PIAS4: variants seen among roughly 807,000 people sequenced by gnomAD.
The protein encoded by PIAS4 is protein inhibitor of activated STAT 4.
Under a neutral mutation model 58.0 loss-of-function variants are expected in PIAS4, and 7 were observed. The ratio of observed to expected loss-of-function variants is 0.12; its 90% CI spans 0.07 to 0.23. The LOEUF is 0.23. PIAS4 is among the 10% of genes least tolerant of loss of function. The pLI is 1.00. For missense variants in PIAS4, 550 were observed against 709.5 expected (o/e 0.78, Z 2.55); for synonymous variants, 364 against 312.4 (o/e 1.17, Z -1.74).
intron 1 of PIAS4, among the ~76,000 whole-genome samples, chr19:4,011,701 GGT>G (rs1280373884): frequency 2.8e-4 from 35 of 125,470 alleles, no homozygotes; most frequent in Admixed American, 7.0e-4. Context: ...GGGGTGTGGA[GGT>G]GTGTGGGGTG....
intron 9 of PIAS4, among the ~76,000 whole-genome samples, chr19:4,035,810 C>T: frequency 3.3e-5 from 5 of 152,322 alleles, no homozygotes; most frequent in Admixed American, 3.3e-4. Context: ...CACCCGCACA[C>T]ATCCATACAG....
chr19:4,031,082 G>A (rs2144935066), intron 7 of PIAS4, among the ~76,000 whole-genome samples: 1 of 152,232 alleles, frequency 6.6e-6, no homozygotes, highest in Admixed American at 6.5e-5. Context: ...GGGTCTTCCA[G>A]CTGCCCCTCC....
Position 4,033,185 on chromosome 19 carries a change from C to A in PIAS4, c.981+12C>A. 1 of 1,603,968 alleles carries A rather than the reference C, an allele frequency of 6.2e-7. No homozygotes were observed. ...CCCTCATCTGTCCGGTGAGTCGGGG[C>A]GCGGTCCCCTCCTCGAGGCCTCTCC... On this transcript the variant is annotated intron_variant, in intron 8 of 10. Transcript: ENST00000262971.
chr19:4,027,250 A>T (rs995111572), intron 3 of PIAS4, among the ~76,000 whole-genome samples: 1 of 152,184 alleles, frequency 6.6e-6, no homozygotes, highest in Non-Finnish European at 1.5e-5. Flanking sequence ...CGCCTCCCAA[A>T]GTGCCAGGGT....
In PIAS4 at chr19:4,013,959, A is replaced by C. The variant is rs756923644; in HGVS notation, c.454+610A>C. 1.3e-5 allele frequency among the ~76,000 whole-genome samples: 2 copies of C among 152,080 alleles called. No homozygotes were observed. The highest frequency in any genetic ancestry group is 2.9e-5 in the Non-Finnish European group (2 of 67,982). ...AGACTCTGTGGCGCATGCAGGGACC[A>C]CACCAGGCTGTGACTGCCAGGGCCA... On this transcript the variant is annotated intron_variant, in intron 2 of 10. Coordinates refer to ENST00000262971, the MANE Select transcript of PIAS4 (RefSeq NM_015897.4). This position sits in a 1 kb window ranked among gnomAD's most constrained non-coding sequence, Gnocchi z 5.1.
rs1314522489 is a variant in PIAS4 at position 4,023,969 on chromosome 19, A to C, written c.455-67A>C. The C allele has an allele frequency of 1.9e-5, 21 of 1,094,698 alleles. No individual in the cohort carries two copies. In the Admixed American group the frequency reaches 3.6e-4, roughly 19 times the overall value. The allele number at this position is 1,094,698 out of a possible 1,614,324, so 67.8% of individuals were successfully genotyped here. A position where few individuals can be genotyped will look rare whatever the true frequency, so the allele number is the denominator to read the frequency against. ...CTGGTCTGAAGAGGCGCAGGCTGGG[A>C]AAAGCGACTGGGCTCGGGGGACCTG... On this transcript the variant is annotated intron_variant, in intron 2 of 10. Transcript: ENST00000262971.
chr19:4,023,172 C>CAA (rs36013586), intron 2 of PIAS4, among the ~76,000 whole-genome samples: 18,500 of 118,478 alleles, frequency 0.16, 1,537 homozygotes, highest in Non-Finnish European at 0.19. Context: ...AACAAAGTCT[C>CAA]AAAAAAAAAA....
intron 3 of PIAS4, among the ~76,000 whole-genome samples, chr19:4,025,214 G>A (rs898935066): frequency 6.6e-6 from 1 of 152,114 alleles, no homozygotes; most frequent in Non-Finnish European, 1.5e-5. Flanking sequence ...TCTGTGCCAG[G>A]AACACCCCTA....
intron 2 of PIAS4, among the ~76,000 whole-genome samples, chr19:4,021,287 TA>T: frequency 6.6e-6 from 1 of 152,226 alleles, no homozygotes; most frequent in East Asian, 1.9e-4. Flanking sequence ...TAGCTGGGAT[TA>T]GAGGCGTGTG....
chr19:4,038,149 T>G lies in PIAS4; in HGVS notation c.*274T>G. 5.2e-6 allele frequency: 2 copies of G among 383,432 alleles called. No individual in the cohort carries two copies. The highest frequency in any genetic ancestry group is 2.2e-5 in the African/African-American group (1 of 45,830). 23.8% of individuals were successfully genotyped at this position (383,432 alleles called of 1,614,324 possible). A position where few individuals can be genotyped will look rare whatever the true frequency, so the allele number is the denominator to read the frequency against. On this transcript the variant is annotated 3_prime_UTR_variant, in exon 11 of 11. Transcript: ENST00000262971. This position sits in a 1 kb window ranked among gnomAD's most constrained non-coding sequence, Gnocchi z 4.1. ...AAGGCCGGCCACCCACACAGCCGCC[T>G]CCCCGGCTGGAGTCCGAGCCGGGAA... is the stretch of plus-strand genomic sequence containing the variant.
intron 7 of PIAS4, among the ~76,000 whole-genome samples, chr19:4,031,464 G>A (rs2040221875): frequency 2.0e-5 from 3 of 152,188 alleles, no homozygotes. Flanking sequence ...GGCACAGAGT[G>A]GCAAAGTTAG....
chr19:4,036,792 ATACAGTCCACACCGTCACATATCTG>A (rs1385914499), intron 9 of PIAS4, among the ~76,000 whole-genome samples: 89 of 137,880 alleles, frequency 6.5e-4, no homozygotes, highest in South Asian at 2.1e-3. Flanking sequence ...ACACACATCT[ATACAGTCCACACCGTCACATATCTG>A]TACAGTCCAC....
At chr19:4,025,667 C>T (rs2040155959) in intron 3 of PIAS4, among the ~76,000 whole-genome samples, 1 of 152,218 alleles carries the variant, frequency 6.6e-6, no homozygotes, top group Admixed American at 6.5e-5. Context: ...CCCAAGGTGG[C>T]GACCTCGTCT....
At chr19:4,034,765 T>C (rs983486291) in intron 9 of PIAS4, among the ~76,000 whole-genome samples, 2 of 151,972 alleles carry the variant, frequency 1.3e-5, no homozygotes, top group African/African-American at 4.8e-5. Flanking sequence ...CTGTGTCCCA[T>C]GCAGGCCTTG....
intron 3 of PIAS4, among the ~76,000 whole-genome samples, chr19:4,025,480 C>T (rs368266792): frequency 2.9e-4 from 44 of 152,354 alleles, no homozygotes; most frequent in African/African-American, 1.1e-3. Context: ...CATGGCAGGG[C>T]TGGGCCGGGC....
At position 4,012,563 on chromosome 19, in the gene PIAS4, T is replaced by G. The variant is rs556213525; in HGVS notation, c.28-360T>G. Reference sequence around the variant, plus strand: ...GAGGGTCAGAGAGGCATTTGGTGTTTGCCGGTAAGGCACTGGCAGAGGCTG... The same window carrying G: ...GAGGGTCAGAGAGGCATTTGGTGTTGGCCGGTAAGGCACTGGCAGAGGCTG... On this transcript the variant is annotated intron_variant, in intron 1 of 10. Transcript: ENST00000262971. Among the ~76,000 whole-genome samples the G allele has an allele frequency of 1.4e-4, 22 of 152,284 alleles. No homozygotes were observed. The South Asian group carries it at 4.3e-3, about 30-fold the overall frequency.
At chr19:4,028,447 C>T (rs1044607682) in intron 4 of PIAS4, 63 bp from the exon 5 acceptor site, 59 of 1,237,634 alleles carry the variant, frequency 4.8e-5, no homozygotes, top group Middle Eastern at 1.9e-4. Flanking sequence ...CGTGTACCCC[C>T]GCAGCAGCCT....
chr19:4,011,662 G>T (rs2039993850), intron 1 of PIAS4, among the ~76,000 whole-genome samples: 2 of 137,534 alleles, frequency 1.5e-5, no homozygotes, highest in South Asian at 4.6e-4. Context: ...TGTGTTTGGT[G>T]TGGAGGTGTG....
rs565403875 is a variant in PIAS4, at chr19:4,020,282, C to T, written c.455-3754C>T. ...TAGTTGAGGTGCGATCCCATGGCTC[C>T]GGTTCTTGTAAAGGCCCTGTCGTGG... On this transcript the variant is annotated intron_variant, in intron 2 of 10. Coordinates refer to ENST00000262971, the MANE Select transcript of PIAS4 (RefSeq NM_015897.4). 7.2e-5 allele frequency among the ~76,000 whole-genome samples: 11 copies of T among 152,244 alleles called. No individual in the cohort carries two copies. The South Asian group carries it at 1.2e-3, about 17-fold the overall frequency.
Sources: allele counts gnomAD v4.1 joint callset (sites outside exome capture counted in the v4.1 genomes callset), GRCh38; gene constraint gnomAD v4.1.1; non-coding constraint Gnocchi (gnomAD v3.1); transcripts MANE v1.5; gene names NCBI Gene and HGNC (gene_info 2026-07-23, HGNC 2026-07-21).